Variants in DNAH14 observed in about 807,000 individuals in gnomAD.
DNAH14 encodes axonemal beta dynein heavy chain 14.
Under a neutral mutation model 520.9 loss-of-function variants are expected in DNAH14, and 478 were observed. That is an observed-to-expected ratio of 0.92 (90% CI 0.85 to 0.99). DNAH14 has a LOEUF of 0.99. Among genes scored for constraint, DNAH14 ranks in the 50% least tolerant of loss-of-function variants. DNAH14 has a pLI of 0.00. For missense variants in DNAH14, 4,831 were observed against 5,234.5 expected, an observed-to-expected ratio of 0.92 and a Z score of 2.38; for synonymous variants, 1,581 against 1,757.2, an observed-to-expected ratio of 0.90 and a Z score of 2.51.
intron 31 of DNAH14, chr1:225,151,747 A>G (rs2080519969): frequency 3.3e-6 from 2 of 614,054 alleles, no homozygotes; most frequent in East Asian, 2.7e-5. Flanking sequence ...TCATTCAGCT[A>G]GGTATCTTCC....
At chr1:225,266,069 ACTT>A (rs1465630180) in intron 48 of DNAH14, among the ~76,000 whole-genome samples, 1 of 152,112 alleles carries the variant, frequency 6.6e-6, no homozygotes, top group Non-Finnish European at 1.5e-5. Flanking sequence ...CAATCAGTAC[ACTT>A]CAATGCACAA....
chr1:225,052,905 G>A (rs1038303199), intron 17 of DNAH14, among the ~76,000 whole-genome samples: 10 of 152,148 alleles, frequency 6.6e-5, no homozygotes, highest in African/African-American at 1.9e-4. Context: ...TTGGCTTCAC[G>A]AAGCCATCAG....
At chr1:224,946,311 C>T (rs1410523426) in intron 1 of DNAH14, among the ~76,000 whole-genome samples, 5 of 141,936 alleles carry the variant, frequency 3.5e-5, no homozygotes, top group Non-Finnish European at 7.4e-5. Flanking sequence ...GATATAGTCT[C>T]CTGGTGTGCC....
At position 225,252,217 on chromosome 1, in the gene DNAH14, T is replaced by G. The variant is rs2092580778; in HGVS notation, c.6749-84T>G. On this transcript the variant is annotated intron_variant, in intron 43 of 85. Coordinates refer to ENST00000682510, the MANE Select transcript of DNAH14 (RefSeq NM_001367479.1). ...TATTATTTCTTGTTCAACAATCAGATCTTTCAGAGAGAGTTTACATGGTTA... is the reference window on the plus strand; with the variant it reads ...TATTATTTCTTGTTCAACAATCAGAGCTTTCAGAGAGAGTTTACATGGTTA... 3 of 774,564 alleles carry G rather than the reference T, an allele frequency of 3.9e-6. No homozygotes were observed. The South Asian group carries it at 4.6e-5, about 12-fold the overall frequency. The allele number at this position is 774,564 out of a possible 1,614,324, so 48.0% of individuals were successfully genotyped here.
At chr1:224,983,696 A>T (rs1279902732) in intron 8 of DNAH14, among the ~76,000 whole-genome samples, 1 of 152,182 alleles carries the variant, frequency 6.6e-6, no homozygotes, top group Non-Finnish European at 1.5e-5. Context: ...AGTATTCAGC[A>T]AAGTTTCCAG....
chr1:225,006,176 C>A (rs903351441), intron 9 of DNAH14, among the ~76,000 whole-genome samples: 6 of 152,136 alleles, frequency 3.9e-5, no homozygotes, highest in African/African-American at 1.4e-4. Context: ...ATTTCCTATG[C>A]CTGTCTTTAC....
At position 225,258,013 on chromosome 1, in the gene DNAH14, A is replaced by G. The variant is rs2092803103; in HGVS notation, c.6919A>G (p.Thr2307Ala). Residue 2307 changes from threonine (T) to alanine (A), a missense_variant, in exon 45 of 86, where the codon ACA (threonine) becomes GCA (alanine). Coordinates refer to ENST00000682510, the MANE Select transcript of DNAH14 (RefSeq NM_001367479.1). Reference sequence around the variant, plus strand: ...ATCTGGCGGAAACTTCTTGAAGATAACAGAATGTGGAGAATGCATTAATTA... The same window carrying G: ...ATCTGGCGGAAACTTCTTGAAGATAGCAGAATGTGGAGAATGCATTAATTA... ...QRSGGNFLKITECGECINYTA... is the reference protein window; with the variant it reads ...QRSGGNFLKIAECGECINYTA... 1 of 1,550,084 alleles carries G rather than the reference A, an allele frequency of 6.5e-7. No homozygotes were observed. The highest frequency in any genetic ancestry group is 2.5e-5 in the East Asian group (1 of 40,790).
chr1:224,995,122 A>G (rs1004713976), intron 8 of DNAH14, among the ~76,000 whole-genome samples: 4 of 152,130 alleles, frequency 2.6e-5, no homozygotes, highest in Admixed American at 2.6e-4. Flanking sequence ...AATATGGTTC[A>G]GTATTATTTA....
chr1:225,377,838 T>A (rs2150724382), intron 79 of DNAH14, among the ~76,000 whole-genome samples: 1 of 152,324 alleles, frequency 6.6e-6, no homozygotes, highest in East Asian at 1.9e-4. Flanking sequence ...TTTGACCCCA[T>A]TTATAAGCTT....
At chr1:225,137,004 A>T (rs2079004404) in intron 27 of DNAH14, among the ~76,000 whole-genome samples, 1 of 152,130 alleles carries the variant, frequency 6.6e-6, no homozygotes, top group Non-Finnish European at 1.5e-5. Flanking sequence ...CCATTAGGTC[A>T]GTTATGTTCC....
Position 225,289,918 on chromosome 1 carries a change from G to A in DNAH14, c.8305G>A (p.Ala2769Thr), listed in dbSNP as rs1289788859. 3.4e-5 allele frequency: 50 copies of A among 1,456,666 alleles called. No homozygotes were observed. The highest frequency in any genetic ancestry group is 4.5e-5 in the Non-Finnish European group (49 of 1,096,348). 90.2% of individuals were successfully genotyped at this position (1,456,666 alleles called of 1,614,324 possible). ...GIDGCGKKTC[A>T]TLACYLTDNK... ...AGATGGATGTGGGAAAAAAACATGT[G>A]CAACCTTGGCCTGTTATTTGACAGA... The change falls in exon 55 of 86, where the codon GCA (alanine) becomes ACA (threonine). Residue 2769 changes from alanine to threonine, a missense_variant. Physicochemically the swap from Ala to Thr is moderately conservative, Grantham distance 58 (BLOSUM62 0). Coordinates refer to ENST00000682510, the MANE Select transcript of DNAH14 (RefSeq NM_001367479.1).
chr1:225,208,672 T>C (rs1210846892), intron 41 of DNAH14, among the ~76,000 whole-genome samples: 1 of 152,124 alleles, frequency 6.6e-6, no homozygotes, highest in East Asian at 1.9e-4. Context: ...GACCTAAGAT[T>C]GAATAGGATC....
intron 49 of DNAH14, among the ~76,000 whole-genome samples, chr1:225,269,128 G>C (rs887138575): frequency 1.3e-5 from 2 of 152,188 alleles, no homozygotes; most frequent in Admixed American, 1.3e-4. Flanking sequence ...TACCACAACA[G>C]AGATATAGAC....
At chr1:225,025,339 T>TAC (rs1432437124) in intron 11 of DNAH14, among the ~76,000 whole-genome samples, 3 of 150,482 alleles carry the variant, frequency 2.0e-5, no homozygotes, top group Non-Finnish European at 3.0e-5. Flanking sequence ...CTCAAATATA[T>TAC]ATATATATAT....
At chr1:225,249,150 G>T (rs1335061230) in intron 43 of DNAH14, among the ~76,000 whole-genome samples, 2 of 152,190 alleles carry the variant, frequency 1.3e-5, no homozygotes, top group Non-Finnish European at 2.9e-5. Flanking sequence ...CATCCTGGAA[G>T]AAATGGCAGA....
chr1:225,340,211 T>C (rs940010287), intron 68 of DNAH14, among the ~76,000 whole-genome samples: 2 of 152,184 alleles, frequency 1.3e-5, no homozygotes, highest in Non-Finnish European at 2.9e-5. Flanking sequence ...TTAACATTTT[T>C]CTGTACTCCA....
At chr1:225,239,495 A>G (rs2091837850) in intron 42 of DNAH14, among the ~76,000 whole-genome samples, 2 of 151,920 alleles carry the variant, frequency 1.3e-5, no homozygotes, top group Admixed American at 1.3e-4. Context: ...TTCATTCTCC[A>G]TGGGTCGAGT....
chr1:225,244,522 A>G (rs1010287982), intron 43 of DNAH14, among the ~76,000 whole-genome samples: 15 of 152,066 alleles, frequency 9.9e-5, no homozygotes, highest in African/African-American at 3.6e-4. Flanking sequence ...TATTGCCTCA[A>G]TTTCAGAACT....
At chr1:225,094,656 C>CAAAAAAAAAAAAAAAAAAAAAAAAAAAAA (rs760828776) in intron 21 of DNAH14, among the ~76,000 whole-genome samples, 1 of 77,824 alleles carries the variant, frequency 1.3e-5, no homozygotes. Context: ...TTCTGCACAG[C>CAAAAAAAAAAAAAAAAAAAAAAAAAAAAA]AAAAAAAAAA....
Sources: allele counts gnomAD v4.1 joint callset (sites outside exome capture counted in the v4.1 genomes callset), GRCh38; gene constraint gnomAD v4.1.1; transcripts MANE v1.5; gene names NCBI Gene and HGNC (gene_info 2026-07-23, HGNC 2026-07-21).